KCNQ5: variants seen among roughly 807,000 people sequenced by gnomAD.
KCNQ5 encodes potassium voltage-gated channel subfamily Q member 5, also known as potassium voltage-gated channel subfamily KQT member 5.
KCNQ5 carries 30 observed loss-of-function variants against 98.2 expected under a neutral mutation model. That is an observed-to-expected ratio of 0.31 (90% confidence interval 0.23 to 0.41). The LOEUF is 0.41. Ranked by LOEUF, KCNQ5 falls within the 10% of genes least tolerant of loss-of-function variation. KCNQ5 has a pLI of 1.00. For missense variants in KCNQ5, 835 were observed against 1,182.5 expected, an observed-to-expected ratio of 0.71 and a Z score of 4.31; for synonymous variants, 458 against 449.4, an observed-to-expected ratio of 1.02 and a Z score of -0.24.
chr6:72,800,954 C>A (rs955113295), intron 1 of KCNQ5, among the ~76,000 whole-genome samples: 1 of 151,880 alleles, frequency 6.6e-6, no homozygotes. Context: ...GTTTCTTAAT[C>A]CTGAGTTCTA....
intron 1 of KCNQ5, chr6:72,677,273 G>A (rs1767462129): frequency 1.3e-5 from 2 of 152,154 alleles, no homozygotes; most frequent in Non-Finnish European, 2.9e-5. Context: ...CCAGCCTTTG[G>A]GTTTAAGATC....
chr6:72,920,216 C>A (rs1182185771), intron 1 of KCNQ5, among the ~76,000 whole-genome samples: 2 of 152,056 alleles, frequency 1.3e-5, no homozygotes, highest in Non-Finnish European at 2.9e-5. Context: ...TTCACTTGAA[C>A]CCGGGAGGCA....
intron 1 of KCNQ5, among the ~76,000 whole-genome samples, chr6:72,860,687 C>G (rs193118704): frequency 2.0e-5 from 3 of 152,086 alleles, no homozygotes; most frequent in Admixed American, 1.3e-4. Context: ...ATCTATTTTC[C>G]TTGTAAAAAT....
intron 1 of KCNQ5, among the ~76,000 whole-genome samples, chr6:72,674,646 TGTAGCCC>T (rs1490230748): frequency 5.3e-5 from 8 of 152,222 alleles, no homozygotes; most frequent in African/African-American, 1.9e-4. Flanking sequence ...AGCATGTGCC[TGTAGCCC>T]CAGCCACTCG....
chr6:72,957,170 CTTTTT>C (rs11374806), intron 1 of KCNQ5, among the ~76,000 whole-genome samples: 22 of 125,352 alleles, frequency 1.8e-4, no homozygotes, highest in Non-Finnish European at 3.6e-4. Flanking sequence ...ATGTAGGAAG[CTTTTT>C]TTTTTTTTTT....
intron 1 of KCNQ5, among the ~76,000 whole-genome samples, chr6:72,666,163 C>A (rs1766800610): frequency 6.6e-6 from 1 of 152,096 alleles, no homozygotes; most frequent in South Asian, 2.1e-4. Context: ...GAGGTTATTT[C>A]CACACATTAA....
intron 5 of KCNQ5, among the ~76,000 whole-genome samples, chr6:73,103,490 G>A (rs55890840): frequency 6.1e-5 from 7 of 115,272 alleles, no homozygotes; most frequent in East Asian, 2.5e-4. Context: ...TGTCATGGGG[G>A]GGGGGGAGAG....
At chr6:73,035,986 TG>T (rs1554200440) in intron 2 of KCNQ5, among the ~76,000 whole-genome samples, 2 of 852 alleles carry the variant, frequency 2.3e-3, no homozygotes, top group Admixed American at 0.038. Flanking sequence ...TGAATACATT[TG>T]TGTGTGTGTG....
At chr6:72,789,034 C>T (rs568545807) in intron 1 of KCNQ5, among the ~76,000 whole-genome samples, 1 of 152,316 alleles carries the variant, frequency 6.6e-6, no homozygotes, top group Non-Finnish European at 1.5e-5. Context: ...CCAAACCATA[C>T]TTTCTGATGG....
At chr6:73,003,407 A>G (rs1241874253) in intron 1 of KCNQ5, among the ~76,000 whole-genome samples, 2 of 152,186 alleles carry the variant, frequency 1.3e-5, no homozygotes, top group African/African-American at 2.4e-5. Flanking sequence ...GGAATAGCAA[A>G]TGAGAATCCA....
intron 1 of KCNQ5, among the ~76,000 whole-genome samples, chr6:72,949,662 T>A (rs62412478): frequency 1.3e-4 from 20 of 152,340 alleles, no homozygotes; most frequent in Admixed American, 3.3e-4. Flanking sequence ...TTTAACATTT[T>A]TGCTCGAAAG....
chr6:73,068,056 G>A (rs1773142885), intron 3 of KCNQ5, among the ~76,000 whole-genome samples: 1 of 152,026 alleles, frequency 6.6e-6, no homozygotes, highest in Non-Finnish European at 1.5e-5. Context: ...AGCACTTTGG[G>A]AGGCCAAGGC....
At chr6:72,916,093 G>A (rs1780125233) in intron 1 of KCNQ5, among the ~76,000 whole-genome samples, 1 of 152,068 alleles carries the variant, frequency 6.6e-6, no homozygotes, top group Non-Finnish European at 1.5e-5. Flanking sequence ...GTGGTCTTTT[G>A]GAGAAAATTC....
chr6:73,131,747 T>C (rs1776250624), intron 9 of KCNQ5, among the ~76,000 whole-genome samples: 1 of 152,218 alleles, frequency 6.6e-6, no homozygotes, highest in African/African-American at 2.4e-5. Context: ...GTTGCTCTTG[T>C]TTAATGTAAT....
intron 1 of KCNQ5, among the ~76,000 whole-genome samples, chr6:72,721,743 C>G (rs1283750402): frequency 1.3e-5 from 2 of 152,108 alleles, no homozygotes; most frequent in Non-Finnish European, 2.9e-5. Flanking sequence ...GATTACTTGA[C>G]CAAAAATATT....
chr6:72,768,968 G>T (rs548590580), intron 1 of KCNQ5, among the ~76,000 whole-genome samples: 1 of 152,082 alleles, frequency 6.6e-6, no homozygotes, highest in Non-Finnish European at 1.5e-5. Flanking sequence ...GTGGAGGAGA[G>T]GGAAGCATTT....
chr6:73,029,562 G>A (rs1490702254), intron 2 of KCNQ5, among the ~76,000 whole-genome samples: 5 of 150,102 alleles, frequency 3.3e-5, no homozygotes, highest in African/African-American at 9.8e-5. Flanking sequence ...TGGTTCAATT[G>A]AACAACAAGC....
intron 1 of KCNQ5, among the ~76,000 whole-genome samples, chr6:72,675,044 G>A (rs774918153): frequency 3.0e-4 from 46 of 152,116 alleles, no homozygotes; most frequent in Non-Finnish European, 5.0e-4. Context: ...TTTTCATTAC[G>A]TAAGGCACTG....
At chr6:72,712,541 G>A (rs1266000450) in intron 1 of KCNQ5, among the ~76,000 whole-genome samples, 1 of 152,140 alleles carries the variant, frequency 6.6e-6, no homozygotes, top group Non-Finnish European at 1.5e-5. Flanking sequence ...TAGCCGCTTG[G>A]AACTACCTTT....
Sources: allele counts gnomAD v4.1 joint callset (sites outside exome capture counted in the v4.1 genomes callset), GRCh38; gene constraint gnomAD v4.1.1; transcripts MANE v1.5; gene names NCBI Gene and HGNC (gene_info 2026-07-23, HGNC 2026-07-21).